KCNH7: variants seen among roughly 807,000 people sequenced by gnomAD.
KCNH7 encodes voltage-gated inwardly rectifying potassium channel KCNH7.
In KCNH7, 49 loss-of-function variants were observed where a neutral mutation model predicts 120.8. The ratio of observed to expected loss-of-function variants is 0.41; its 90% CI spans 0.32 to 0.51. The LOEUF (loss-of-function observed/expected upper bound fraction) is 0.51, where lower values mean the gene tolerates loss of function less well. KCNH7 is among the 20% of genes least tolerant of loss of function. The pLI, the probability that KCNH7 is intolerant of heterozygous loss-of-function variation, is 0.38. For missense variants in KCNH7, 1,097 were observed against 1,446.6 expected (o/e 0.76, Z 3.92); for synonymous variants, 547 against 516.1 (o/e 1.06, Z -0.81).
chr2:162,473,157 A>G (rs1689619994), intron 6 of KCNH7, among the ~76,000 whole-genome samples: 1 of 152,152 alleles, frequency 6.6e-6, no homozygotes, highest in African/African-American at 2.4e-5. Context: ...CCAACATGGC[A>G]CACGTATACA....
intron 2 of KCNH7, among the ~76,000 whole-genome samples, chr2:162,658,549 TG>T (rs1321917306): frequency 6.6e-6 from 1 of 152,168 alleles, no homozygotes; most frequent in Non-Finnish European, 1.5e-5. Flanking sequence ...GCTGGAATTT[TG>T]ATTGAGATTG....
intron 14 of KCNH7, among the ~76,000 whole-genome samples, chr2:162,379,624 G>A (rs77646713): frequency 3.0e-3 from 460 of 152,176 alleles, no homozygotes; most frequent in African/African-American, 0.01. Context: ...ATACTAACTG[G>A]ATGACAAAGA....
chr2:162,694,369 C>T (rs1220642162), intron 2 of KCNH7, among the ~76,000 whole-genome samples: 1 of 152,114 alleles, frequency 6.6e-6, no homozygotes, highest in Non-Finnish European at 1.5e-5. Flanking sequence ...AACAGCTCAG[C>T]TTTAAATAGT....
intron 6 of KCNH7, among the ~76,000 whole-genome samples, chr2:162,475,130 A>G (rs574676693): frequency 1.5e-4 from 23 of 152,320 alleles, no homozygotes; most frequent in South Asian, 1.5e-3. Flanking sequence ...TCACTAATTT[A>G]TCAAGAACTC....
chr2:162,761,854 A>G (rs1688978047), intron 2 of KCNH7, among the ~76,000 whole-genome samples: 1 of 152,116 alleles, frequency 6.6e-6, no homozygotes, highest in Non-Finnish European at 1.5e-5. Context: ...CAGCTGTGCC[A>G]GAACCTCTCC....
chr2:162,763,628 T>C (rs1434657155), intron 2 of KCNH7, among the ~76,000 whole-genome samples: 1 of 151,806 alleles, frequency 6.6e-6, no homozygotes, highest in East Asian at 1.9e-4. Context: ...GGAATTGTGT[T>C]AAGAGAAATG....
chr2:162,522,474 T>C (rs1372240108), intron 3 of KCNH7, among the ~76,000 whole-genome samples: 1 of 151,888 alleles, frequency 6.6e-6, no homozygotes, highest in Admixed American at 6.6e-5. Context: ...GTTGTCTAAC[T>C]GCAGTTCATC....
At chr2:162,519,454 T>A (rs1360298102) in intron 3 of KCNH7, among the ~76,000 whole-genome samples, 1 of 151,826 alleles carries the variant, frequency 6.6e-6, no homozygotes, top group Non-Finnish European at 1.5e-5. Flanking sequence ...CATAAAAGCT[T>A]CAAACTTTTA....
rs138850346 is a variant in KCNH7, at chr2:162,735,963, T to C, written c.307+100574A>G. ...GCCTCATGGTCAAGATAATTGAATG[T>C]TGAAGTACTTGTATGGGCCAATGAC... is the stretch of plus-strand genomic sequence containing the variant. On this transcript the variant is annotated intron_variant, in intron 2 of 15. Transcript: ENST00000332142. Among the ~76,000 whole-genome samples the C allele has an allele frequency of 1.1e-4, 16 of 152,268 alleles. No homozygotes were observed. The East Asian group carries it at 3.1e-3, about 29-fold the overall frequency.
At chr2:162,748,231 T>C (rs1200370550) in intron 2 of KCNH7, among the ~76,000 whole-genome samples, 5 of 152,178 alleles carry the variant, frequency 3.3e-5, no homozygotes, top group East Asian at 1.9e-4. Context: ...CTTTGTACCA[T>C]AGGGTTTTGT....
chr2:162,667,936 T>C lies in KCNH7; in HGVS notation c.308-130856A>G, dbSNP rs912524843. On this transcript the variant is annotated intron_variant, in intron 2 of 15. Coordinates refer to ENST00000332142, the MANE Select transcript of KCNH7 (RefSeq NM_033272.4). ...GAATGTTGTATATATTCAATAAATA[T>C]TTATTGGATGATTAAAGTAGATAAC... Among the ~76,000 whole-genome samples, 3 of 152,224 alleles carry C rather than the reference T, an allele frequency of 2.0e-5. No homozygotes were observed. The East Asian group carries it at 5.8e-4, about 29-fold the overall frequency.
At chr2:162,750,758 G>GGAA (rs1477463434) in intron 2 of KCNH7, among the ~76,000 whole-genome samples, 1 of 152,036 alleles carries the variant, frequency 6.6e-6, no homozygotes, top group Non-Finnish European at 1.5e-5. Context: ...TTGGGTGCAT[G>GGAA]GAAGAATGTC....
chr2:162,383,215 T>G (rs1686475249), intron 13 of KCNH7, among the ~76,000 whole-genome samples: 2 of 151,968 alleles, frequency 1.3e-5, no homozygotes, highest in Non-Finnish European at 2.9e-5. Context: ...TCACATTATG[T>G]TGACCTTTGG....
intron 14 of KCNH7, among the ~76,000 whole-genome samples, chr2:162,377,895 A>G (rs1686267319): frequency 6.6e-6 from 1 of 152,246 alleles, no homozygotes; most frequent in African/African-American, 2.4e-5. Context: ...TAAAATAACA[A>G]CAACAATTTT....
chr2:162,597,637 G>T (rs1694421910), intron 2 of KCNH7, among the ~76,000 whole-genome samples: 1 of 152,120 alleles, frequency 6.6e-6, no homozygotes, highest in East Asian at 1.9e-4. Context: ...GCACAGCAAG[G>T]TGACTATAAT....
At chr2:162,589,686 A>G (rs918227458) in intron 2 of KCNH7, among the ~76,000 whole-genome samples, 4 of 152,098 alleles carry the variant, frequency 2.6e-5, no homozygotes, top group Non-Finnish European at 5.9e-5. Flanking sequence ...GGAATCCCAC[A>G]TAGGATTCTA....
Position 162,384,763 on chromosome 2 carries a change from A to G in KCNH7, c.2887T>C (p.Ser963Pro). The G allele has an allele frequency of 1.2e-6, 2 of 1,612,830 alleles. No individual in the cohort carries two copies. The highest frequency in any genetic ancestry group is 8.5e-7 in the Non-Finnish European group (1 of 1,179,120). ...VDSSPGIGKA[S>P]GLDFEETVPT... is the part of the protein sequence containing the mutation. ...ACTGTTTCTTCAAAATCGAGCCCAG[A>G]TGCTTTCCCTATTCCTGGAGAAGAG... The change falls in exon 13 of 16, where the codon TCT becomes CCT. Residue 963 changes from serine (S) to proline (P), a missense_variant. Coordinates refer to ENST00000332142, the MANE Select transcript of KCNH7 (RefSeq NM_033272.4).
At chr2:162,590,249 G>A (rs1326049670) in intron 2 of KCNH7, among the ~76,000 whole-genome samples, 1 of 152,054 alleles carries the variant, frequency 6.6e-6, no homozygotes, top group Non-Finnish European at 1.5e-5. Context: ...CCACAGCAGG[G>A]CAGGAAAGAA....
At chr2:162,375,895 TAAAAAAAAA>T (rs1224297777) in intron 14 of KCNH7, among the ~76,000 whole-genome samples, 5 of 92,136 alleles carry the variant, frequency 5.4e-5, no homozygotes, top group Non-Finnish European at 1.1e-4. Context: ...AGACCCTATC[TAAAAAAAAA>T]AAAAAAAGAA....
Sources: allele counts gnomAD v4.1 joint callset (sites outside exome capture counted in the v4.1 genomes callset), GRCh38; gene constraint gnomAD v4.1.1; transcripts MANE v1.5; gene names NCBI Gene and HGNC (gene_info 2026-07-23, HGNC 2026-07-21).